The following YTHDF2 variants were observed in gnomAD, a reference collection of about 807,000 sequenced individuals.
The protein encoded by YTHDF2 is YTH N6-methyladenosine RNA binding protein F2.
Under a neutral mutation model 50.4 loss-of-function variants are expected in YTHDF2, and 2 were observed. That is an observed-to-expected ratio of 0.04 (90% CI 0.02 to 0.12). YTHDF2 has a LOEUF of 0.12. Among genes scored for constraint, YTHDF2 ranks in the 10% least tolerant of loss-of-function variants. The pLI is 1.00. For missense variants in YTHDF2, 483 were observed against 722.6 expected, an observed-to-expected ratio of 0.67 and a Z score of 3.80; for synonymous variants, 217 against 255.6, an observed-to-expected ratio of 0.85 and a Z score of 1.44.
chr1:28,745,665 C>T (rs1340606810), intron 4 of YTHDF2, among the ~76,000 whole-genome samples: 3 of 143,000 alleles, frequency 2.1e-5, no homozygotes, highest in Non-Finnish European at 4.5e-5. Flanking sequence ...GCAGAGGTTG[C>T]GGTGAGCCGA....
chr1:28,768,386 G>A (rs1220572905), intron 4 of YTHDF2, among the ~76,000 whole-genome samples: 1 of 151,578 alleles, frequency 6.6e-6, no homozygotes, highest in Non-Finnish European at 1.5e-5. Flanking sequence ...GGCCAGATGT[G>A]TGGGTTTGTT....
chr1:28,757,911 A>T (rs1225008743), intron 4 of YTHDF2, among the ~76,000 whole-genome samples: 1 of 151,942 alleles, frequency 6.6e-6, no homozygotes, highest in Non-Finnish European at 1.5e-5. Flanking sequence ...CATTTGCTGG[A>T]TATCTATAAG....
Position 28,769,563 on chromosome 1 carries a change from A to G in YTHDF2, c.*611A>G, listed in dbSNP as rs2088274161. 6.5e-6 allele frequency: 1 copy of G among 152,680 alleles called. No individual in the cohort carries two copies. 9.5% of individuals were successfully genotyped at this position (152,680 alleles called of 1,614,324 possible). On this transcript the variant is annotated 3_prime_UTR_variant, in exon 5 of 5. Transcript: ENST00000373812. ...GTCCTAAGAAATGTTCTGTTCTTGT[A>G]CATTATACTGATTAAGTCAGGATTA...
At chr1:28,762,098 AAC>A (rs1413358274) in intron 4 of YTHDF2, among the ~76,000 whole-genome samples, 1 of 152,260 alleles carries the variant, frequency 6.6e-6, no homozygotes, top group East Asian at 1.9e-4. Context: ...CACTTTTAAA[AAC>A]ACATTTTCCT....
intron 3 of YTHDF2, 80 bp downstream of exon 3, chr1:28,738,418 T>C: frequency 8.2e-7 from 1 of 1,214,614 alleles, no homozygotes; most frequent in Non-Finnish European, 1.2e-6. Context: ...AATCCCATTT[T>C]CTGAGGATTC....
chr1:28,737,471 C>T lies in YTHDF2; in HGVS notation c.28-187C>T, dbSNP rs936252902. On this transcript the variant is annotated intron_variant, in intron 1 of 4. Coordinates refer to ENST00000373812, the MANE Select transcript of YTHDF2 (RefSeq NM_016258.3). ...CGGTGGCGCGTCTGCCGCGTTTTCT[C>T]CCCTGCCCCACGGGCCTGGCGCTTT... The T allele has an allele frequency of 2.5e-5, 20 of 792,664 alleles. No homozygotes were observed. The Middle Eastern group carries it at 7.1e-4, about 28-fold the overall frequency. 49.1% of individuals were successfully genotyped at this position (792,664 alleles called of 1,614,324 possible).
At chr1:28,754,195 A>C (rs1258034828) in intron 4 of YTHDF2, among the ~76,000 whole-genome samples, 1 of 152,158 alleles carries the variant, frequency 6.6e-6, no homozygotes, top group Admixed American at 6.6e-5. Context: ...TCCTGTATTT[A>C]TAGATCAACA....
rs34047138 is a variant in YTHDF2, at chr1:28,753,358, CAAAAAAAAAAAAAAAAAAA to C, written c.1716+9394_1716+9412del. Among the ~76,000 whole-genome samples the C allele has an allele frequency of 2.4e-4, 4 of 16,908 alleles. No homozygotes were observed. In the East Asian group the frequency reaches 4.0e-3, roughly 17 times the overall value. 11.1% of individuals were successfully genotyped at this position (16,908 alleles called of 152,430 possible). A position where few individuals can be genotyped will look rare whatever the true frequency, so the allele number is the denominator to read the frequency against. On this transcript the variant is annotated intron_variant, in intron 4 of 4. Coordinates refer to ENST00000373812, the MANE Select transcript of YTHDF2 (RefSeq NM_016258.3). ...GCAACATAATGAAATCCTGCCTCTC[CAAAAAAAAAAAAAAAAAAA>C]AAAAAAAAAAAAAAAAAAAAATCAG... is the stretch of plus-strand genomic sequence containing the variant.
At chr1:28,760,920 G>C (rs1041515873) in intron 4 of YTHDF2, among the ~76,000 whole-genome samples, 3 of 152,018 alleles carry the variant, frequency 2.0e-5, no homozygotes, top group African/African-American at 7.2e-5. Flanking sequence ...ATAATTTTAC[G>C]TGCTATAGTT....
At chr1:28,736,864 T>G, upstream of YTHDF2, 31 of 359,802 alleles carry the variant, frequency 8.6e-5, no homozygotes, top group East Asian at 1.1e-4. Context: ...GCCTCCGCTG[T>G]TCGGCGCTCT....
In YTHDF2 at chr1:28,743,128, A is replaced by G; in HGVS notation, c.858A>G (p.Lys286=). Residue 286 remains lysine (K), a synonymous_variant, in exon 4 of 5, where the codon AAA becomes AAG. Coordinates refer to ENST00000373812, the MANE Select transcript of YTHDF2 (RefSeq NM_016258.3). The surrounding 1 kb of genome is among the most constrained non-coding windows in gnomAD (Gnocchi z 6.9). ...GTWDNKGPVA[K]APSQALVQNI... is the part of the protein sequence containing the mutation. Reference sequence around the variant, plus strand: ...GGGATAACAAGGGTCCCGTTGCAAAAGCCCCCTCACAGGCTTTGGTTCAGA... The same window carrying G: ...GGGATAACAAGGGTCCCGTTGCAAAGGCCCCCTCACAGGCTTTGGTTCAGA... 2 of 1,614,168 alleles carry G rather than the reference A, an allele frequency of 1.2e-6. No individual in the cohort carries two copies. Among genetic ancestry groups the G allele is most frequent in the Non-Finnish European group, 1.7e-6 (2 of 1,180,026 alleles).
At chr1:28,749,860 T>C (rs1273309628) in intron 4 of YTHDF2, among the ~76,000 whole-genome samples, 1 of 152,038 alleles carries the variant, frequency 6.6e-6, no homozygotes, top group Non-Finnish European at 1.5e-5. Context: ...GGAAGTGTGA[T>C]TGTGGTGGCA....
At chr1:28,738,526 C>G (rs2087729727) in intron 3 of YTHDF2, among the ~76,000 whole-genome samples, 188 bp downstream of exon 3, 1 of 152,182 alleles carries the variant, frequency 6.6e-6, no homozygotes, top group Non-Finnish European at 1.5e-5. Context: ...CTCGCTCCAA[C>G]TTCCGCCTCT....
Position 28,743,333 on chromosome 1 carries a change from C to T in YTHDF2, c.1063C>T (p.Arg355Trp), listed in dbSNP as rs370101470. ...AAQPTRWVAP[R>W]NRGSGFGHNG... ...TCAGCCAACCCGCTGGGTAGCACCT[C>T]GGAACCGTGGCAGTGGGTTCGGTCA... The change falls in exon 4 of 5, where the codon CGG (arginine) becomes TGG (tryptophan). Residue 355 changes from arginine (R) to tryptophan (W), a missense_variant. Transcript: ENST00000373812. This position sits in a 1 kb window ranked among gnomAD's most constrained non-coding sequence, Gnocchi z 6.9. 1.2e-6 allele frequency: 2 copies of T among 1,614,154 alleles called. No individual in the cohort carries two copies. Among genetic ancestry groups the T allele is most frequent in the Non-Finnish European group, 1.7e-6 (2 of 1,180,042 alleles).
intron 3 of YTHDF2, among the ~76,000 whole-genome samples, chr1:28,740,013 A>G (rs2087752191): frequency 6.6e-6 from 1 of 152,246 alleles, no homozygotes; most frequent in South Asian, 2.1e-4. Flanking sequence ...GAATAACTGC[A>G]TGCCCATATA....
chr1:28,759,415 T>C (rs2124198626), intron 4 of YTHDF2, among the ~76,000 whole-genome samples: 1 of 152,276 alleles, frequency 6.6e-6, no homozygotes, highest in East Asian at 1.9e-4. Context: ...CAATCATGCA[T>C]CCCTTAGCGA....
At chr1:28,752,691 T>C (rs1029623638) in intron 4 of YTHDF2, among the ~76,000 whole-genome samples, 3 of 152,158 alleles carry the variant, frequency 2.0e-5, no homozygotes, top group African/African-American at 4.8e-5. Context: ...GGAGAAAATA[T>C]TGATTGCAGA....
intron 4 of YTHDF2, among the ~76,000 whole-genome samples, chr1:28,760,263 ATAG>A (rs1162260474): frequency 6.7e-6 from 1 of 148,690 alleles, no homozygotes; most frequent in Admixed American, 6.9e-5. Flanking sequence ...AGCCAATAAC[ATAG>A]TAGGTTGTGT....
intron 4 of YTHDF2, among the ~76,000 whole-genome samples, chr1:28,751,388 G>A (rs1015577250): frequency 3.3e-5 from 5 of 152,108 alleles, no homozygotes; most frequent in Non-Finnish European, 7.4e-5. Context: ...CCCCACCACT[G>A]TTTTATTGAC....
Sources: allele counts gnomAD v4.1 joint callset (sites outside exome capture counted in the v4.1 genomes callset), GRCh38; gene constraint gnomAD v4.1.1; non-coding constraint Gnocchi (gnomAD v3.1); transcripts MANE v1.5; gene names NCBI Gene and HGNC (gene_info 2026-07-23, HGNC 2026-07-21).